Variants in ALX3 observed in about 807,000 individuals in gnomAD.
ALX3 encodes ALX homeobox 3, also known as homeobox protein aristaless-like 3.
ALX3 carries 17 observed loss-of-function variants against 26.3 expected under a neutral mutation model. The ratio of observed to expected loss-of-function variants is 0.65; its 90% CI spans 0.44 to 0.97. ALX3 has a LOEUF of 0.97. Among genes scored for constraint, ALX3 ranks in the 50% least tolerant of loss-of-function variants. The pLI is 0.00. For synonymous variants in ALX3, 208 were observed against 201.4 expected (o/e 1.03, Z -0.28); for missense variants, 461 against 466.5 (o/e 0.99, Z 0.11).
chr1:110,067,968 G>A (rs953690477), intron 1 of ALX3, among the ~76,000 whole-genome samples: 1 of 151,950 alleles, frequency 6.6e-6, no homozygotes, highest in East Asian at 2.0e-4. Context: ...AACTCTAGTA[G>A]GAGTCTCTTG....
At position 110,060,668 on chromosome 1, in the gene ALX3, G is replaced by GCTTCCTCC; in HGVS notation, c.*64_*65insGGAGGAAG. On this transcript the variant is annotated 3_prime_UTR_variant, in exon 4 of 4. Transcript: ENST00000647563. ...CCATCTGGGGCTTGGAGGCAGAGGT[G>GCTTCCTCC]GGCTGGGAGCGACTGGGAATGGAAA... The GCTTCCTCC allele has an allele frequency of 4.6e-6, 7 of 1,520,630 alleles. No homozygotes were observed. Among genetic ancestry groups the GCTTCCTCC allele is most frequent in the Admixed American group, 1.9e-5 (1 of 51,766 alleles). The allele number at this position is 1,520,630 out of a possible 1,614,324, so 94.2% of individuals were successfully genotyped here. A position where few individuals can be genotyped will look rare whatever the true frequency, so the allele number is the denominator to read the frequency against.
intron 3 of ALX3, 45 bp downstream of exon 3, chr1:110,061,390 T>C: frequency 6.2e-7 from 1 of 1,614,134 alleles, no homozygotes; most frequent in Non-Finnish European, 8.5e-7. Flanking sequence ...ATATTCTTTT[T>C]GGTGACCCTG....
rs543003426 is a variant in ALX3 at position 110,059,887 on chromosome 1, C to G, written c.*846G>C. The G allele has an allele frequency of 1.3e-5, 2 of 152,176 alleles. No homozygotes were observed. Among genetic ancestry groups the G allele is most frequent in the African/African-American group, 2.4e-5 (1 of 41,528 alleles). The allele number at this position is 152,176 out of a possible 1,614,324, so 9.4% of individuals were successfully genotyped here. A position where few individuals can be genotyped will look rare whatever the true frequency, so the allele number is the denominator to read the frequency against. On this transcript the variant is annotated 3_prime_UTR_variant, in exon 4 of 4. Coordinates refer to ENST00000647563, the MANE Select transcript of ALX3 (RefSeq NM_006492.3). ...TCACCTGGTATAAAAAACACCACCA[C>G]CTTTATTAGAATGCTGGGCAGCCTT...
At chr1:110,062,646 G>GTGTGTGTGTGCGCGCGC in intron 2 of ALX3, 1 of 126,238 alleles carries the variant, frequency 7.9e-6, no homozygotes, top group African/African-American at 2.8e-5. Context: ...TGTGTGTGTG[G>GTGTGTGTGTGCGCGCGC]AGTAATCCGT....
chr1:110,060,469 T>C lies in ALX3; in HGVS notation c.*264A>G, dbSNP rs985274450. Reference sequence around the variant, plus strand: ...AGTCTGGAGGAAGCAGGGCAGTGTCTCCCTGCCTCCAGCCCAGAGTTCAGG... The same window carrying C: ...AGTCTGGAGGAAGCAGGGCAGTGTCCCCCTGCCTCCAGCCCAGAGTTCAGG... On this transcript the variant is annotated 3_prime_UTR_variant, in exon 4 of 4. Coordinates refer to ENST00000647563, the MANE Select transcript of ALX3 (RefSeq NM_006492.3). The C allele has an allele frequency of 3.8e-5, 12 of 316,298 alleles. No homozygotes were observed. Among genetic ancestry groups the C allele is most frequent in the African/African-American group, 2.4e-4 (11 of 46,692 alleles). The allele number at this position is 316,298 out of a possible 1,614,324, so 19.6% of individuals were successfully genotyped here.
At chr1:110,061,211 C>G in intron 3 of ALX3, 170 bp from the exon 4 acceptor site, 1 of 987,798 alleles carries the variant, frequency 1.0e-6, no homozygotes, top group Non-Finnish European at 1.5e-6. Flanking sequence ...TCTCAGGAGG[C>G]CCCTGCCACT....
In ALX3 at chr1:110,060,614, A is replaced by G. The variant is rs985711909; in HGVS notation, c.*119T>C. ...AACGTGTTCCCTGCTGGGGGCTGAC[A>G]GTGCCAGCTGCTCTCGCAGCCTCCA... On this transcript the variant is annotated 3_prime_UTR_variant, in exon 4 of 4. Coordinates refer to ENST00000647563, the MANE Select transcript of ALX3 (RefSeq NM_006492.3). 1 of 914,000 alleles carries G rather than the reference A, an allele frequency of 1.1e-6. No homozygotes were observed. Among genetic ancestry groups the G allele is most frequent in the South Asian group, 1.8e-5 (1 of 55,418 alleles). The allele number at this position is 914,000 out of a possible 1,614,324, so 56.6% of individuals were successfully genotyped here.
chr1:110,066,574 C>CCCAA (rs1292038360), intron 1 of ALX3, among the ~76,000 whole-genome samples: 2 of 118,396 alleles, frequency 1.7e-5, no homozygotes, highest in East Asian at 5.3e-4. Context: ...ATGGGACATC[C>CCCAA]CCCCCCCCCG....
At chr1:110,066,706 G>A (rs1389081086) in intron 1 of ALX3, among the ~76,000 whole-genome samples, 1 of 152,002 alleles carries the variant, frequency 6.6e-6, no homozygotes, top group African/African-American at 2.4e-5. Context: ...GCAGAAAAGG[G>A]GTGAGGGTAG....
chr1:110,069,417 G>A (rs372534225), intron 1 of ALX3, among the ~76,000 whole-genome samples: 4 of 152,226 alleles, frequency 2.6e-5, no homozygotes, highest in East Asian at 1.9e-4. Flanking sequence ...GTGCAGTGCG[G>A]AAGCCGAGAC....
chr1:110,064,964 A>G (rs1157052333), intron 1 of ALX3, 61 bp from the exon 2 acceptor site: 10 of 1,485,394 alleles, frequency 6.7e-6, no homozygotes, highest in Non-Finnish European at 9.0e-6. Context: ...GTGGGTTGGA[A>G]TGGAGGGAGG....
Position 110,064,756 on chromosome 1 carries a change from T to G in ALX3, c.425A>C (p.Asp142Ala), listed in dbSNP as rs940123816. 3 of 1,613,972 alleles carry G rather than the reference T, an allele frequency of 1.9e-6. No individual in the cohort carries two copies. Among genetic ancestry groups the G allele is most frequent in the Non-Finnish European group, 2.5e-6 (3 of 1,179,976 alleles). The stretch of plus-strand genomic sequence containing the variant: ...CTTGTTCTTGGCCAACTCCATGGAG[T>G]CAGGGAGTCCCGGGGAAAGAGGAAG... ...LHLPLSPGLPDSMELAKNKSK... is the reference protein window; with the variant it reads ...LHLPLSPGLPASMELAKNKSK... Residue 142 changes from aspartate (D) to alanine (A), a missense_variant, in exon 2 of 4, where the codon GAC becomes GCC. Around this residue, in one of 3 missense-constraint regions of ALX3, gnomAD observed 241 missense variants for 206.1 expected, o/e 1.17. Transcript: ENST00000647563.
rs776967754 is a variant in ALX3, at chr1:110,060,737, G to A, written c.1028C>T (p.Thr343Met). 5 of 1,478,034 alleles carry A rather than the reference G, an allele frequency of 3.4e-6. No individual in the cohort carries two copies. Among genetic ancestry groups the A allele is most frequent in the African/African-American group, 1.5e-5 (1 of 68,840 alleles). The allele number at this position is 1,478,034 out of a possible 1,614,324, so 91.6% of individuals were successfully genotyped here. A position where few individuals can be genotyped will look rare whatever the true frequency, so the allele number is the denominator to read the frequency against. ...TCTGCAGGTCCATGCAACCGATCAC[G>A]TGGTCCAGTTCAGAAGGCCGGGTGG... is the stretch of plus-strand genomic sequence containing the variant. ...KEPPGLLNWT[T>M] The change falls in exon 4 of 4, where the codon ACG (threonine) becomes ATG (methionine). Residue 343 changes from threonine (T) to methionine (M), a missense_variant. By Grantham distance (81) the Thr-to-Met change is moderately conservative (BLOSUM62 -1). Around this residue, in one of 3 missense-constraint regions of ALX3, gnomAD observed 169 missense variants for 178.0 expected, o/e 0.95. Transcript: ENST00000647563.
Position 110,060,027 on chromosome 1 carries a change from A to G in ALX3, c.*706T>C, listed in dbSNP as rs1376532331. ...AGAAATCTGTTTTATTCTTACCAAC[A>G]TCCAATATCATTTCCATGGCATAGC... On this transcript the variant is annotated 3_prime_UTR_variant, in exon 4 of 4. Coordinates refer to ENST00000647563, the MANE Select transcript of ALX3 (RefSeq NM_006492.3). 2 of 151,788 alleles carry G rather than the reference A, an allele frequency of 1.3e-5. No homozygotes were observed. The highest frequency in any genetic ancestry group is 2.9e-5 in the Non-Finnish European group (2 of 67,984). 9.4% of individuals were successfully genotyped at this position (151,788 alleles called of 1,614,324 possible).
chr1:110,061,324 G>T, intron 3 of ALX3, 111 bp downstream of exon 3: 1 of 1,505,860 alleles, frequency 6.6e-7, no homozygotes, highest in Non-Finnish European at 9.2e-7. Context: ...GTGAAGTGGT[G>T]TACCCACTGT....
chr1:110,064,469 C>A (rs1653728189), intron 2 of ALX3, 118 bp downstream of exon 2: 1 of 1,272,252 alleles, frequency 7.9e-7, no homozygotes, highest in Admixed American at 2.0e-5. Context: ...GGTGCAGGCC[C>A]CTGGGAAAGG....
intron 1 of ALX3, among the ~76,000 whole-genome samples, chr1:110,069,785 G>A (rs574548985): frequency 1.3e-5 from 2 of 152,278 alleles, no homozygotes; most frequent in South Asian, 4.1e-4. Flanking sequence ...CGCACAGGCA[G>A]CACCCTTCCT....
chr1:110,060,668 G>GCTTCCTCCGTGGTGTCCAGGCAGGGGTA lies in ALX3; in HGVS notation c.*64_*65insTACCCCTGCCTGGACACCACGGAGGAAG. The GCTTCCTCCGTGGTGTCCAGGCAGGGGTA allele has an allele frequency of 6.6e-7, 1 of 1,520,694 alleles. No homozygotes were observed. The highest frequency in any genetic ancestry group is 8.9e-7 in the Non-Finnish European group (1 of 1,124,386). 94.2% of individuals were successfully genotyped at this position (1,520,694 alleles called of 1,614,324 possible). On this transcript the variant is annotated 3_prime_UTR_variant, in exon 4 of 4. Transcript: ENST00000647563. Reference sequence around the variant, plus strand: ...CCATCTGGGGCTTGGAGGCAGAGGTGGGCTGGGAGCGACTGGGAATGGAAA... The same window carrying GCTTCCTCCGTGGTGTCCAGGCAGGGGTA: ...CCATCTGGGGCTTGGAGGCAGAGGTGCTTCCTCCGTGGTGTCCAGGCAGGGGTAGGCTGGGAGCGACTGGGAATGGAAA...
rs1259320271 is a variant in ALX3 at position 110,060,961 on chromosome 1, G to C, written c.804C>G (p.Ser268=). 1.2e-6 allele frequency: 2 copies of C among 1,612,888 alleles called. No homozygotes were observed. The highest frequency in any genetic ancestry group is 4.5e-5 in the East Asian group (2 of 44,864). The change falls in exon 4 of 4, where the codon TCC becomes TCG. Residue 268 remains serine, a synonymous_variant. Coordinates refer to ENST00000647563, the MANE Select transcript of ALX3 (RefSeq NM_006492.3). The stretch of plus-strand genomic sequence containing the variant: ...GGTGGGAATATGGAGACATGCATGG[G>C]GAGGGGATGCCCTCTGGAGACACAA... ...PCLVSPEGIP[S]PCMSPYSHPH... is the part of the protein sequence containing the mutation.
Sources: gnomAD v4.1 joint callset for allele counts (sites outside exome capture counted in the v4.1 genomes callset) on GRCh38, gnomAD v4.1.1 for gene constraint, gnomAD v4.1.1 regional missense constraint, MANE v1.5 for transcripts, NCBI Gene and HGNC (gene_info 2026-07-23, HGNC 2026-07-21) for gene names.